Variants in USP49 observed in about 807,000 individuals in gnomAD.
USP49 encodes ubiquitin specific peptidase 49, also known as ubiquitin carboxyl-terminal hydrolase 49.
Under a neutral mutation model 58.6 loss-of-function variants are expected in USP49, and 24 were observed. The observed-to-expected ratio is 0.41, with a 90% confidence interval of 0.30 to 0.58. USP49 has a LOEUF of 0.58. Ranked by LOEUF, USP49 falls within the 20% of genes least tolerant of loss-of-function variation. The pLI is 0.30. For missense variants in USP49, 703 were observed against 866.1 expected (o/e 0.81, Z 2.36); for synonymous variants, 408 against 365.1 (o/e 1.12, Z -1.34).
At chr6:41,855,351 C>A (rs1774108303) in intron 3 of USP49, among the ~76,000 whole-genome samples, 1 of 151,702 alleles carries the variant, frequency 6.6e-6, no homozygotes, top group Non-Finnish European at 1.5e-5. Flanking sequence ...CCCGTCTCTA[C>A]TAAAAATACA....
chr6:41,826,520 T>A (rs1267703114), intron 3 of USP49, among the ~76,000 whole-genome samples: 1 of 151,916 alleles, frequency 6.6e-6, no homozygotes, highest in Non-Finnish European at 1.5e-5. Context: ...AATGGGAAGG[T>A]GGGAGCAGGA....
chr6:41,868,048 G>A (rs1774351316), intron 3 of USP49, among the ~76,000 whole-genome samples: 1 of 152,104 alleles, frequency 6.6e-6, no homozygotes, highest in East Asian at 1.9e-4. Flanking sequence ...CACTACCCTA[G>A]TAAACCTTTT....
Position 41,856,369 on chromosome 6 carries a change from C to T in USP49, c.-29+15195G>A, listed in dbSNP as rs556191845. Among the ~76,000 whole-genome samples the T allele has an allele frequency of 1.8e-4, 27 of 148,862 alleles. No individual in the cohort carries two copies. In the East Asian group the frequency reaches 3.9e-3, roughly 22 times the overall value. Reference sequence around the variant, plus strand: ...CAGCCTGGGCGACAGAGCGAGACCCCGTCTCAAAAAAAAAAAAAAACTTGT... The same window carrying T: ...CAGCCTGGGCGACAGAGCGAGACCCTGTCTCAAAAAAAAAAAAAAACTTGT... On this transcript the variant is annotated intron_variant, in intron 3 of 7. Transcript: ENST00000682992.
At chr6:41,842,063 T>G (rs9367113) in intron 3 of USP49, among the ~76,000 whole-genome samples, 116,494 of 151,108 alleles carry the variant, frequency 0.77, 45,507 homozygotes, top group African/African-American at 0.94. Flanking sequence ...TCTCTAATAA[T>G]AAAATAAAAA....
chr6:41,861,298 C>A (rs1774218198), intron 3 of USP49, among the ~76,000 whole-genome samples: 3 of 151,920 alleles, frequency 2.0e-5, no homozygotes, highest in Admixed American at 1.3e-4. Flanking sequence ...AAAAAATTAG[C>A]TGGATATGGT....
At chr6:41,843,762 G>A (rs1258398507) in intron 3 of USP49, among the ~76,000 whole-genome samples, 4 of 151,860 alleles carry the variant, frequency 2.6e-5, no homozygotes, top group African/African-American at 7.3e-5. Context: ...ACAAAAAATC[G>A]GCCGGGTGTG....
At chr6:41,839,396 C>A (rs1402537029) in intron 3 of USP49, among the ~76,000 whole-genome samples, 2 of 94,646 alleles carry the variant, frequency 2.1e-5, no homozygotes, top group Non-Finnish European at 3.8e-5. Context: ...TAGAGCCAGG[C>A]CTTGTCTCAA....
At chr6:41,836,890 A>G (rs766533562) in intron 3 of USP49, among the ~76,000 whole-genome samples, 8 of 151,990 alleles carry the variant, frequency 5.3e-5, no homozygotes, top group Admixed American at 3.9e-4. Flanking sequence ...CAAAATACCT[A>G]GGAATACAGC....
intron 3 of USP49, among the ~76,000 whole-genome samples, chr6:41,828,951 G>A (rs1432118180): frequency 1.3e-5 from 2 of 152,046 alleles, no homozygotes; most frequent in Non-Finnish European, 2.9e-5. Flanking sequence ...TTTATTATAT[G>A]AAGTCCTCCC....
At position 41,792,077 on chromosome 6, in the gene USP49, A is replaced by C. The variant is rs935474565; in HGVS notation, c.*4456T>G. 6.6e-6 allele frequency: 1 copy of C among 152,246 alleles called. No homozygotes were observed. Among genetic ancestry groups the C allele is most frequent in the African/African-American group, 2.4e-5 (1 of 41,470 alleles). 9.4% of individuals were successfully genotyped at this position (152,246 alleles called of 1,614,324 possible). ...AGCTCAGTGGAAACCTTAAGGTCAG[A>C]GTAAAAGAAACTGGCTGTAAACAGC... On this transcript the variant is annotated 3_prime_UTR_variant, in exon 8 of 8. Coordinates refer to ENST00000682992, the MANE Select transcript of USP49 (RefSeq NM_001286554.2).
rs1285041509 is a variant in USP49 at position 41,792,896 on chromosome 6, T to G, written c.*3637A>C. ...ATTGTATAAAATTAGTTCACAAAGC[T>G]TTATCAGTAAGTAGAACAAACTCCA... On this transcript the variant is annotated 3_prime_UTR_variant, in exon 8 of 8. Transcript: ENST00000682992. 2 of 152,232 alleles carry G rather than the reference T, an allele frequency of 1.3e-5. No homozygotes were observed. Among genetic ancestry groups the G allele is most frequent in the African/African-American group, 4.8e-5 (2 of 41,462 alleles). 9.4% of individuals were successfully genotyped at this position (152,232 alleles called of 1,614,324 possible).
chr6:41,827,652 G>A (rs943373677), intron 3 of USP49, among the ~76,000 whole-genome samples: 16 of 119,830 alleles, frequency 1.3e-4, no homozygotes, highest in African/African-American at 4.8e-4. Flanking sequence ...AGAGCAAGGG[G>A]CAATACAGCA....
intron 2 of USP49, among the ~76,000 whole-genome samples, chr6:41,878,556 C>G (rs1414106194): frequency 6.6e-6 from 1 of 152,178 alleles, no homozygotes; most frequent in Non-Finnish European, 1.5e-5. Flanking sequence ...AGAGTTGCTA[C>G]TTCATCACTC....
intron 5 of USP49, among the ~76,000 whole-genome samples, chr6:41,800,704 C>T (rs543564868): frequency 2.8e-4 from 42 of 152,120 alleles, no homozygotes; most frequent in Non-Finnish European, 4.6e-4. Context: ...TCAGTTTCCT[C>T]ACCAGTAAAA....
chr6:41,821,301 A>G (rs1303412220), intron 3 of USP49, among the ~76,000 whole-genome samples: 1 of 152,106 alleles, frequency 6.6e-6, no homozygotes, highest in Admixed American at 6.6e-5. Context: ...CCCCAACCCC[A>G]CCACCCTACC....
chr6:41,855,042 G>A (rs1774101471), intron 3 of USP49, among the ~76,000 whole-genome samples: 2 of 151,838 alleles, frequency 1.3e-5, no homozygotes, highest in Admixed American at 1.3e-4. Context: ...CCAAAGTGCT[G>A]GGATTACGGG....
chr6:41,824,408 TAA>T (rs551195694), intron 3 of USP49, among the ~76,000 whole-genome samples: 1 of 145,314 alleles, frequency 6.9e-6, no homozygotes, highest in African/African-American at 2.5e-5. Flanking sequence ...TTTAGATGTT[TAA>T]AAAAAAAAAA....
At chr6:41,833,020 CT>C (rs200870810) in intron 3 of USP49, 19,346 of 138,194 alleles carry the variant, frequency 0.14, 1,100 homozygotes, top group East Asian at 0.22. Flanking sequence ...TTTCTTTTTT[CT>C]TTTTTTTTTT....
chr6:41,810,256 G>A (rs1202203061), intron 3 of USP49, among the ~76,000 whole-genome samples: 6 of 151,742 alleles, frequency 4.0e-5, no homozygotes, highest in East Asian at 3.9e-4. Context: ...CGAGGCAGGC[G>A]GATCACCTGA....
Sources: gnomAD v4.1 joint callset for allele counts (sites outside exome capture counted in the v4.1 genomes callset) on GRCh38, gnomAD v4.1.1 for gene constraint, MANE v1.5 for transcripts, NCBI Gene and HGNC (gene_info 2026-07-23, HGNC 2026-07-21) for gene names.